The following XRCC4 variants were observed in gnomAD, a reference collection of about 807,000 sequenced individuals.
XRCC4 encodes the protein X-ray repair cross complementing 4, also known as DNA repair protein XRCC4.
A neutral mutation model predicts 39.1 loss-of-function variants in XRCC4; 28 were observed. The ratio of observed to expected loss-of-function variants is 0.72; its 90% CI spans 0.53 to 0.98. The LOEUF (loss-of-function observed/expected upper bound fraction) is 0.98. Ranked by LOEUF, XRCC4 falls within the 50% of genes least tolerant of loss-of-function variation. The probability of loss-of-function intolerance (pLI) is 0.00; values close to 1 mark genes in which losing one functional copy is unlikely to be tolerated. For synonymous variants in XRCC4, 123 were observed against 126.4 expected, an observed-to-expected ratio of 0.97 and a Z score of 0.18; for missense variants, 350 against 376.4, an observed-to-expected ratio of 0.93 and a Z score of 0.58.
At chr5:83,300,546 TTGTG>T (rs70973389) in intron 7 of XRCC4, among the ~76,000 whole-genome samples, 2,980 of 126,972 alleles carry the variant, frequency 0.023, 91 homozygotes, top group African/African-American at 0.076. Context: ...TATCTTTTGT[TTGTG>T]TGTGTGTGTG....
intron 3 of XRCC4, among the ~76,000 whole-genome samples, chr5:83,156,670 A>T (rs779641603): frequency 7.9e-5 from 12 of 152,110 alleles, no homozygotes; most frequent in Non-Finnish European, 1.8e-4. Flanking sequence ...TGCCTTAAAT[A>T]GTTCACTTGA....
At chr5:83,252,440 G>A (rs1379768931) in intron 6 of XRCC4, among the ~76,000 whole-genome samples, 1 of 151,218 alleles carries the variant, frequency 6.6e-6, no homozygotes, top group Non-Finnish European at 1.5e-5. Flanking sequence ...TTTTGAATAG[G>A]AAAACTAGTA....
chr5:83,251,393 G>A (rs1187901727), intron 6 of XRCC4, among the ~76,000 whole-genome samples: 2 of 151,808 alleles, frequency 1.3e-5, no homozygotes, highest in South Asian at 2.1e-4. Flanking sequence ...GTGTGGTGGC[G>A]AGTGCCTGTA....
chr5:83,329,100 T>G (rs1353032999), intron 7 of XRCC4, among the ~76,000 whole-genome samples: 2 of 152,026 alleles, frequency 1.3e-5, no homozygotes, highest in Admixed American at 6.6e-5. Context: ...TAAAAAATAA[T>G]GAAATTTGAT....
intron 7 of XRCC4, among the ~76,000 whole-genome samples, chr5:83,352,348 A>C (rs1757106996): frequency 6.6e-6 from 1 of 152,192 alleles, no homozygotes; most frequent in Non-Finnish European, 1.5e-5. Context: ...TTAAGGTTCC[A>C]TAGAGAACCA....
intron 6 of XRCC4, among the ~76,000 whole-genome samples, chr5:83,221,610 T>C (rs887291193): frequency 4.6e-5 from 7 of 152,112 alleles, no homozygotes; most frequent in Admixed American, 6.5e-5. Context: ...TATTATTTCT[T>C]TCTCATCTTA....
chr5:83,356,872 T>G (rs1408701280), downstream of XRCC4: 2 of 314,356 alleles, frequency 6.4e-6, no homozygotes, highest in Non-Finnish European at 1.3e-5. Flanking sequence ...AAATGTATAA[T>G]TTTTGGCCCT....
At chr5:83,162,134 T>C (rs1360994733) in intron 3 of XRCC4, among the ~76,000 whole-genome samples, 2 of 152,144 alleles carry the variant, frequency 1.3e-5, no homozygotes, top group East Asian at 3.9e-4. Context: ...GCCACTGCAC[T>C]CCAGCCTGGG....
At chr5:83,298,278 AT>A (rs1755162293) in intron 7 of XRCC4, among the ~76,000 whole-genome samples, 1 of 150,808 alleles carries the variant, frequency 6.6e-6, no homozygotes, top group African/African-American at 2.4e-5. Flanking sequence ...ATATATATGT[AT>A]TTTTTTCAGT....
At chr5:83,184,414 A>C (rs1456313141) in intron 3 of XRCC4, among the ~76,000 whole-genome samples, 1 of 151,962 alleles carries the variant, frequency 6.6e-6, no homozygotes, top group Non-Finnish European at 1.5e-5. Context: ...AGTGACTTGC[A>C]TGGGGGAGGG....
intron 7 of XRCC4, chr5:83,259,089 T>G (rs1213055602): frequency 5.6e-6 from 1 of 178,292 alleles, no homozygotes; most frequent in Non-Finnish European, 1.2e-5. Context: ...CTTCTCATCA[T>G]CTGTTTATTT....
chr5:83,332,649 G>C lies in XRCC4; in HGVS notation c.894-20482G>C, dbSNP rs548852714. On this transcript the variant is annotated intron_variant, in intron 7 of 7. Coordinates refer to ENST00000396027, the MANE Select transcript of XRCC4 (RefSeq NM_003401.5). The stretch of plus-strand genomic sequence containing the variant: ...TATTTCACTCATTATCATTAGACAG[G>C]TAACGCCTAAAACTTTGTTGTTTTG... Among the ~76,000 whole-genome samples the C allele has an allele frequency of 7.9e-5, 12 of 152,280 alleles. No individual in the cohort carries two copies. The South Asian group carries it at 2.1e-3, about 26-fold the overall frequency.
At chr5:83,277,413 T>A (rs552878915) in intron 7 of XRCC4, among the ~76,000 whole-genome samples, 1 of 152,294 alleles carries the variant, frequency 6.6e-6, no homozygotes, top group East Asian at 1.9e-4. Flanking sequence ...TCCTGGATCC[T>A]GGAATAAGGA....
chr5:83,205,582 A>C (rs1360149354), intron 6 of XRCC4, among the ~76,000 whole-genome samples: 1 of 152,310 alleles, frequency 6.6e-6, no homozygotes, highest in Non-Finnish European at 1.5e-5. Flanking sequence ...ACCTAAAACC[A>C]ATACTATTAA....
the XRCC4 span, among the ~76,000 whole-genome samples, chr5:83,372,222 T>C: frequency 2.0e-5 from 3 of 152,216 alleles, no homozygotes; most frequent in Admixed American, 2.0e-4. Context: ...CTAGTGAATC[T>C]AGAATTTAAA....
chr5:83,295,467 A>G (rs1755060590), intron 7 of XRCC4, among the ~76,000 whole-genome samples: 1 of 152,094 alleles, frequency 6.6e-6, no homozygotes, highest in Non-Finnish European at 1.5e-5. Flanking sequence ...ATTGTACTCC[A>G]TGATATGTGC....
the XRCC4 span, among the ~76,000 whole-genome samples, chr5:83,363,089 A>T: frequency 3.9e-5 from 6 of 152,170 alleles, no homozygotes; most frequent in African/African-American, 1.4e-4. Flanking sequence ...TGTAAGAGAG[A>T]TGTGCCCAGG....
At chr5:83,299,532 A>G (rs1755204022) in intron 7 of XRCC4, among the ~76,000 whole-genome samples, 1 of 152,010 alleles carries the variant, frequency 6.6e-6, no homozygotes, top group Non-Finnish European at 1.5e-5. Flanking sequence ...AATTAGACTT[A>G]TGTTATATCT....
intron 1 of XRCC4, among the ~76,000 whole-genome samples, chr5:83,099,409 T>C (rs1561324350): frequency 6.6e-6 from 1 of 152,218 alleles, no homozygotes; most frequent in East Asian, 1.9e-4. Context: ...AAAGAGAGAG[T>C]TGGCTTCTGC....
Sources: gnomAD v4.1 joint callset for allele counts (sites outside exome capture counted in the v4.1 genomes callset) on GRCh38, gnomAD v4.1.1 for gene constraint, MANE v1.5 for transcripts, NCBI Gene and HGNC (gene_info 2026-07-23, HGNC 2026-07-21) for gene names.